RGL1: variants seen among roughly 807,000 people sequenced by gnomAD.
RGL1 encodes the protein ral guanine nucleotide dissociation stimulator-like 1.
RGL1 carries 24 observed loss-of-function variants against 95.2 expected under a neutral mutation model. The observed-to-expected ratio is 0.25, with a 90% CI of 0.18 to 0.35. The LOEUF (loss-of-function observed/expected upper bound fraction) is 0.35. RGL1 is among the 10% of genes least tolerant of loss of function. The pLI is 1.00. For missense variants in RGL1, 715 were observed against 936.3 expected (o/e 0.76, Z 3.08); for synonymous variants, 329 against 344.9 (o/e 0.95, Z 0.51).
At chr1:183,922,906 G>C (rs1032788878) in intron 17 of RGL1, among the ~76,000 whole-genome samples, 1 of 152,174 alleles carries the variant, frequency 6.6e-6, no homozygotes, top group Non-Finnish European at 1.5e-5. Flanking sequence ...ATATGCCTGG[G>C]AACATATTAT....
At chr1:183,662,772 G>C (rs1265641460) in intron 1 of RGL1, among the ~76,000 whole-genome samples, 1 of 152,120 alleles carries the variant, frequency 6.6e-6, no homozygotes, top group Non-Finnish European at 1.5e-5. Flanking sequence ...TAAGCCAAAA[G>C]AACAAAGCTG....
chr1:183,655,379 T>A (rs914352717), intron 1 of RGL1, among the ~76,000 whole-genome samples: 2 of 152,258 alleles, frequency 1.3e-5, no homozygotes, highest in Non-Finnish European at 2.9e-5. Context: ...TATTTGAACC[T>A]ACTGTACCCA....
At chr1:183,843,189 A>G (rs187775305) in intron 2 of RGL1, among the ~76,000 whole-genome samples, 38 of 152,340 alleles carry the variant, frequency 2.5e-4, no homozygotes, top group Middle Eastern at 3.4e-3. Context: ...TGTGAGAATG[A>G]TTGTAGGCAC....
At chr1:183,808,081 G>A (rs1661460401) in intron 2 of RGL1, among the ~76,000 whole-genome samples, 1 of 152,094 alleles carries the variant, frequency 6.6e-6, no homozygotes, top group African/African-American at 2.4e-5. Flanking sequence ...TTGGGTGACT[G>A]TTTTAGTTTT....
At chr1:183,680,061 G>C (rs554652850) in intron 1 of RGL1, among the ~76,000 whole-genome samples, 13 of 152,192 alleles carry the variant, frequency 8.5e-5, no homozygotes, top group African/African-American at 2.6e-4. Flanking sequence ...TTTTGATGGG[G>C]TTGTTTGTTT....
intron 2 of RGL1, among the ~76,000 whole-genome samples, chr1:183,756,331 T>C (rs1658337468): frequency 6.6e-6 from 1 of 152,124 alleles, no homozygotes; most frequent in South Asian, 2.1e-4. Flanking sequence ...GGATCAAATA[T>C]TTCTGGATCA....
At chr1:183,841,166 A>G (rs1664033812) in intron 2 of RGL1, among the ~76,000 whole-genome samples, 1 of 152,352 alleles carries the variant, frequency 6.6e-6, no homozygotes, top group Non-Finnish European at 1.5e-5. Flanking sequence ...GTTAATATGT[A>G]GCTGAATAAG....
chr1:183,814,436 C>A (rs1185813577), intron 2 of RGL1, among the ~76,000 whole-genome samples: 2 of 152,078 alleles, frequency 1.3e-5, no homozygotes, highest in Non-Finnish European at 2.9e-5. Context: ...CTTTTTTAAA[C>A]TCTCACAGAC....
At chr1:183,718,261 A>C (rs1248979639) in intron 1 of RGL1, among the ~76,000 whole-genome samples, 4 of 150,864 alleles carry the variant, frequency 2.7e-5, no homozygotes, top group African/African-American at 9.7e-5. Flanking sequence ...AGAGAGAGAG[A>C]GAGCTTGTTT....
chr1:183,923,771 G>A (rs1429421949), intron 17 of RGL1, among the ~76,000 whole-genome samples: 1 of 152,134 alleles, frequency 6.6e-6, no homozygotes. Flanking sequence ...TGAGTATGTG[G>A]GCAGCAGCAT....
chr1:183,750,961 G>C (rs944251260), intron 2 of RGL1, among the ~76,000 whole-genome samples: 1 of 152,212 alleles, frequency 6.6e-6, no homozygotes, highest in Non-Finnish European at 1.5e-5. Context: ...CACCTGCCAG[G>C]TGCCAGCCAG....
At chr1:183,849,483 GT>G (rs1418103960) in intron 3 of RGL1, among the ~76,000 whole-genome samples, 1 of 120,852 alleles carries the variant, frequency 8.3e-6, no homozygotes, top group Non-Finnish European at 1.6e-5. Flanking sequence ...CCAGTTTTTA[GT>G]TTTTTTTTTT....
At chr1:183,812,576 G>A (rs182995351) in intron 2 of RGL1, among the ~76,000 whole-genome samples, 102 of 152,364 alleles carry the variant, frequency 6.7e-4, no homozygotes, top group African/African-American at 2.4e-3. Context: ...TTACAAGTAA[G>A]TGAGGGAGAC....
At chr1:183,916,421 C>A (rs1668973615) in intron 15 of RGL1, 26 bp from the exon 16 acceptor site, 4 of 1,611,578 alleles carry the variant, frequency 2.5e-6, no homozygotes, top group Non-Finnish European at 2.5e-6. Flanking sequence ...AATCTGTTTT[C>A]TTCTGGGGTG....
intron 1 of RGL1, among the ~76,000 whole-genome samples, chr1:183,730,861 A>T (rs940135269): frequency 6.6e-6 from 1 of 152,114 alleles, no homozygotes; most frequent in African/African-American, 2.4e-5. Context: ...ACTATACTTC[A>T]TCCTGTTCAT....
At chr1:183,702,735 T>C (rs1654675879) in intron 1 of RGL1, among the ~76,000 whole-genome samples, 1 of 152,270 alleles carries the variant, frequency 6.6e-6, no homozygotes, top group South Asian at 2.1e-4. Context: ...TGACAGGGGA[T>C]TGGAGCATGG....
At chr1:183,805,447 T>TA (rs1278391361) in intron 1 of RGL1, 123 bp downstream of exon 1, 3 of 836,748 alleles carry the variant, frequency 3.6e-6, no homozygotes, top group East Asian at 2.7e-5. Flanking sequence ...ACTTGTGAGC[T>TA]AAAGCTCTCT....
intron 2 of RGL1, among the ~76,000 whole-genome samples, chr1:183,836,858 G>A (rs904825259): frequency 6.6e-6 from 1 of 152,162 alleles, no homozygotes; most frequent in African/African-American, 2.4e-5. Context: ...TTTTGGAGGG[G>A]AAGGGATCAA....
chr1:183,911,341 A>C (rs928390892), intron 14 of RGL1, among the ~76,000 whole-genome samples: 1 of 152,176 alleles, frequency 6.6e-6, no homozygotes, highest in Non-Finnish European at 1.5e-5. Flanking sequence ...TTTCTGGCCT[A>C]TCTTTTTAGT....
Sources: gnomAD v4.1 joint callset for allele counts (sites outside exome capture counted in the v4.1 genomes callset) on GRCh38, gnomAD v4.1.1 for gene constraint, MANE v1.5 for transcripts, NCBI Gene and HGNC (gene_info 2026-07-23, HGNC 2026-07-21) for gene names.